LRRC1: variants seen among roughly 807,000 people sequenced by gnomAD.
LRRC1 encodes leucine-rich repeat-containing protein 1.
A neutral mutation model predicts 69.9 loss-of-function variants in LRRC1; 28 were observed. The ratio of observed to expected loss-of-function variants is 0.40; its 90% CI spans 0.30 to 0.55. The LOEUF (loss-of-function observed/expected upper bound fraction) is 0.55, where lower values mean the gene tolerates loss of function less well. LRRC1 is among the 20% of genes least tolerant of loss of function. The pLI is 0.47. For missense variants in LRRC1, 498 were observed against 609.0 expected (o/e 0.82, Z 1.92); for synonymous variants, 236 against 240.2 (o/e 0.98, Z 0.16).
chr6:53,819,360 A>G (rs1765048280), intron 1 of LRRC1, among the ~76,000 whole-genome samples: 1 of 152,110 alleles, frequency 6.6e-6, no homozygotes, highest in South Asian at 2.1e-4. Flanking sequence ...GAGGAGGTAA[A>G]TGTCATTTAA....
intron 4 of LRRC1, among the ~76,000 whole-genome samples, chr6:53,892,379 ATTCT>A (rs1249681660): frequency 6.6e-6 from 1 of 152,212 alleles, no homozygotes; most frequent in Non-Finnish European, 1.5e-5. Context: ...GAAATGCCTG[ATTCT>A]TTCTCGTATC....
intron 1 of LRRC1, among the ~76,000 whole-genome samples, chr6:53,837,216 G>T (rs1581863585): frequency 6.7e-6 from 1 of 149,712 alleles, no homozygotes. Context: ...ATATGTGAGA[G>T]TTTTTTTTTT....
At chr6:53,851,612 C>A (rs1766139990) in intron 2 of LRRC1, among the ~76,000 whole-genome samples, 1 of 152,130 alleles carries the variant, frequency 6.6e-6, no homozygotes, top group African/African-American at 2.4e-5. Context: ...ACAGATACAC[C>A]TAGAAATAAA....
At chr6:53,888,842 G>GA (rs1262618407) in intron 4 of LRRC1, among the ~76,000 whole-genome samples, 2 of 151,968 alleles carry the variant, frequency 1.3e-5, no homozygotes, top group Middle Eastern at 3.2e-3. Flanking sequence ...TGTAACAAAA[G>GA]AAAAAATGGA....
intron 8 of LRRC1, among the ~76,000 whole-genome samples, chr6:53,901,630 CAAGGA>C (rs1330417400): frequency 6.6e-6 from 1 of 151,802 alleles, no homozygotes; most frequent in Non-Finnish European, 1.5e-5. Context: ...TAGAAGTATT[CAAGGA>C]GAGGCTAGAA....
At chr6:53,838,785 C>G (rs898814779) in intron 1 of LRRC1, among the ~76,000 whole-genome samples, 17 of 152,128 alleles carry the variant, frequency 1.1e-4, no homozygotes, top group African/African-American at 4.1e-4. Context: ...AGGATTAGTC[C>G]TGTAGTTGAG....
intron 2 of LRRC1, among the ~76,000 whole-genome samples, chr6:53,863,493 C>T (rs190955296): frequency 6.6e-6 from 1 of 152,194 alleles, no homozygotes; most frequent in Non-Finnish European, 1.5e-5. Context: ...TCTCTGAAGT[C>T]TTTATGTTCA....
chr6:53,904,373 T>C lies in LRRC1; in HGVS notation c.907-6T>C. 2 of 1,588,716 alleles carry C rather than the reference T, an allele frequency of 1.3e-6. No homozygotes were observed. Among genetic ancestry groups the C allele is most frequent in the Non-Finnish European group, 1.7e-6 (2 of 1,163,188 alleles). On this transcript the variant is annotated splice_region_variant and splice_polypyrimidine_tract_variant and intron_variant, in intron 9 of 13. Transcript: ENST00000370888. ...TAAATTAATAGTGAAATTGTTATTT[T>C]AACAGACCCTGCCTAAAAGCATTGG...
intron 1 of LRRC1, among the ~76,000 whole-genome samples, chr6:53,841,376 A>G (rs1335861273): frequency 2.0e-5 from 3 of 152,086 alleles, no homozygotes; most frequent in African/African-American, 7.2e-5. Flanking sequence ...CTTTGTTTCA[A>G]TTTGTTTGTT....
At chr6:53,821,085 A>G (rs1240607904) in intron 1 of LRRC1, among the ~76,000 whole-genome samples, 1 of 152,228 alleles carries the variant, frequency 6.6e-6, no homozygotes, top group Non-Finnish European at 1.5e-5. Flanking sequence ...AAAAATTGAA[A>G]GCAAAACATT....
rs1014669441 is a variant in LRRC1 at position 53,896,017 on chromosome 6, G to A, written c.447-481G>A. 2.2e-4 allele frequency among the ~76,000 whole-genome samples: 33 copies of A among 152,180 alleles called. 1 individual carries two copies. Among genetic ancestry groups the A allele is most frequent in the African/African-American group, 6.3e-4 (26 of 41,440 alleles). On this transcript the variant is annotated intron_variant, in intron 4 of 13. Transcript: ENST00000370888. ...ATAAGTAGATCAACTTGGACTCTCT[G>A]GACTGAGATGTCCCCTACTTTAAAA...
At chr6:53,871,909 C>A (rs1158943087) in intron 2 of LRRC1, among the ~76,000 whole-genome samples, 1 of 152,122 alleles carries the variant, frequency 6.6e-6, no homozygotes, top group African/African-American at 2.4e-5. Context: ...CTCAGGTGAT[C>A]GGCCCGCCTT....
At position 53,840,878 on chromosome 6, in the gene LRRC1, ATGTGTTTGTG is replaced by A. The variant is rs1765758668; in HGVS notation, c.160-1226_160-1217del. ...TTTGTTTCCTCTGGGGTGGGGGGGT[ATGTGTTTGTG>A]TGTGTGTGTGTGTGTGTGTGTGTGT... On this transcript the variant is annotated intron_variant, in intron 1 of 13. Coordinates refer to ENST00000370888, the MANE Select transcript of LRRC1 (RefSeq NM_018214.5). Among the ~76,000 whole-genome samples the A allele has an allele frequency of 5.9e-5, 5 of 84,260 alleles. No homozygotes were observed. The South Asian group carries it at 2.4e-3, about 40-fold the overall frequency. 55.3% of individuals were successfully genotyped at this position (84,260 alleles called of 152,430 possible). A position where few individuals can be genotyped will look rare whatever the true frequency, so the allele number is the denominator to read the frequency against.
chr6:53,817,009 A>ATAT (rs1253352628), intron 1 of LRRC1, among the ~76,000 whole-genome samples: 1 of 152,222 alleles, frequency 6.6e-6, no homozygotes, highest in Non-Finnish European at 1.5e-5. Context: ...TATGGACATG[A>ATAT]TATTGATGCC....
At chr6:53,914,075 TA>T in intron 11 of LRRC1, 106 bp downstream of exon 11, 1 of 719,716 alleles carries the variant, frequency 1.4e-6, no homozygotes, top group Non-Finnish European at 2.4e-6. Context: ...TTACAGAATA[TA>T]ATCCTGATTT....
intron 4 of LRRC1, among the ~76,000 whole-genome samples, chr6:53,892,986 C>CA (rs893530753): frequency 6.6e-6 from 1 of 152,162 alleles, no homozygotes; most frequent in Non-Finnish European, 1.5e-5. Flanking sequence ...CAGTTACAGA[C>CA]AATGTTTGAT....
At chr6:53,830,187 A>AC (rs1765387257) in intron 1 of LRRC1, among the ~76,000 whole-genome samples, 1 of 152,266 alleles carries the variant, frequency 6.6e-6, no homozygotes. Flanking sequence ...TGTTAGTTCC[A>AC]CATCTTACGT....
intron 1 of LRRC1, among the ~76,000 whole-genome samples, chr6:53,805,783 C>T (rs1425871162): frequency 6.6e-5 from 10 of 152,186 alleles, no homozygotes. Context: ...GCCCACACTC[C>T]TTCATTTGTG....
intron 5 of LRRC1, 26 bp downstream of exon 5, chr6:53,896,580 A>AGATTTT (rs775773108): frequency 2.0e-5 from 32 of 1,575,450 alleles, no homozygotes; most frequent in Admixed American, 5.0e-5. Context: ...AAATAAGAGG[A>AGATTTT]GATTTTGTGC....
Sources: allele counts gnomAD v4.1 joint callset (sites outside exome capture counted in the v4.1 genomes callset), GRCh38; gene constraint gnomAD v4.1.1; transcripts MANE v1.5; gene names NCBI Gene and HGNC (gene_info 2026-07-23, HGNC 2026-07-21).